The following CPVL variants were observed in gnomAD, a reference collection of about 807,000 sequenced individuals.
CPVL encodes the protein carboxypeptidase vitellogenic like.
A neutral mutation model predicts 63.7 loss-of-function variants in CPVL; 51 were observed. The observed-to-expected ratio is 0.80, with a 90% CI of 0.64 to 1.01. CPVL has a LOEUF of 1.01. Among genes scored for constraint, CPVL ranks in the 50% least tolerant of loss-of-function variants. CPVL has a pLI of 0.00. For synonymous variants in CPVL, 195 were observed against 206.0 expected (o/e 0.95, Z 0.46); for missense variants, 530 against 573.1 (o/e 0.92, Z 0.77).
chr7:29,013,068 T>C (rs999346910), intron 12 of CPVL: 3 of 152,232 alleles, frequency 2.0e-5, no homozygotes, highest in African/African-American at 7.2e-5. Context: ...GAAATGGAAA[T>C]AATGTTCTGG....
At chr7:29,015,565 CCT>C (rs956942158) in intron 12 of CPVL, among the ~76,000 whole-genome samples, 1 of 152,186 alleles carries the variant, frequency 6.6e-6, no homozygotes, top group African/African-American at 2.4e-5. Context: ...AGTGAAACTC[CCT>C]GAGGCCTCTT....
chr7:29,095,010 T>G, intron 5 of CPVL, 74 bp downstream of exon 5: 1 of 1,033,900 alleles, frequency 9.7e-7, no homozygotes, highest in Non-Finnish European at 1.5e-6. Flanking sequence ...TTTTTAAATG[T>G]ACTTAATAAA....
In CPVL at chr7:29,066,122, C is replaced by T. The variant is rs762509488; in HGVS notation, c.865-1G>A. ...CGCCATCTAGTAGTTTATCCAGTAT[C>T]TAGGTTGGGAGAGAGGGAGAAAGAA... On this transcript the variant is annotated splice_acceptor_variant, in intron 9 of 12. Transcript: ENST00000265394. LOFTEE classifies it high-confidence loss of function. 2.0e-6 allele frequency: 3 copies of T among 1,506,724 alleles called. No individual in the cohort carries two copies. The highest frequency in any genetic ancestry group is 9.2e-7 in the Non-Finnish European group (1 of 1,088,052). The allele number at this position is 1,506,724 out of a possible 1,614,324, so 93.3% of individuals were successfully genotyped here.
At chr7:29,108,120 C>T (rs1787903791) in intron 3 of CPVL, among the ~76,000 whole-genome samples, 1 of 152,212 alleles carries the variant, frequency 6.6e-6, no homozygotes, top group African/African-American at 2.4e-5. Flanking sequence ...CGGGCCTCAG[C>T]AGTGTAATCC....
upstream of CPVL, chr7:29,148,477 G>T (rs577891488): frequency 2.6e-5 from 4 of 152,186 alleles, no homozygotes; most frequent in Non-Finnish European, 5.9e-5. Context: ...TGAATAACAC[G>T]TTTTAACTTT....
chr7:29,117,396 C>A (rs1788878763), intron 2 of CPVL, among the ~76,000 whole-genome samples: 1 of 152,220 alleles, frequency 6.6e-6, no homozygotes, highest in Admixed American at 6.5e-5. Context: ...GATACAGAAA[C>A]ACCATGGTCA....
intron 1 of CPVL, among the ~76,000 whole-genome samples, chr7:29,123,615 AAAAAAAAAAAAAAATATATATATAT>A (rs1343209661): frequency 1.1e-5 from 1 of 90,998 alleles, no homozygotes; most frequent in African/African-American, 5.8e-5. Flanking sequence ...AAAAAAAAAA[AAAAAAAAAAAAAAATATATATATAT>A]ATATATATAT....
At chr7:29,083,838 T>C (rs1784963403) in intron 7 of CPVL, among the ~76,000 whole-genome samples, 1 of 152,178 alleles carries the variant, frequency 6.6e-6, no homozygotes, top group African/African-American at 2.4e-5. Context: ...TCACCTCCTC[T>C]GCTTGGCCTT....
At chr7:29,040,985 T>C (rs1452955212) in intron 11 of CPVL, among the ~76,000 whole-genome samples, 1 of 152,114 alleles carries the variant, frequency 6.6e-6, no homozygotes, top group Non-Finnish European at 1.5e-5. Context: ...ATAATTCTTG[T>C]CCTCTTGCTT....
At chr7:29,037,552 C>CA (rs35631871) in intron 11 of CPVL, among the ~76,000 whole-genome samples, 18,406 of 56,028 alleles carry the variant, frequency 0.33, 3,551 homozygotes, top group Non-Finnish European at 0.44. Context: ...GACTCCATCT[C>CA]AAAAAAAAAA....
chr7:29,195,173 G>A, exon 1 of CPVL: 2 of 534,822 alleles, frequency 3.7e-6, no homozygotes, highest in East Asian at 3.5e-5. Context: ...GCACCTCCGC[G>A]CCTGACATCT....
chr7:29,154,685 A>G (rs1242585365), intron 5 of CPVL, among the ~76,000 whole-genome samples: 6 of 152,072 alleles, frequency 3.9e-5, no homozygotes, highest in African/African-American at 7.2e-5. Context: ...AATAAAAAAA[A>G]TTAGCCAGGT....
chr7:29,091,453 A>G (rs1340365511), intron 6 of CPVL, among the ~76,000 whole-genome samples: 1 of 152,200 alleles, frequency 6.6e-6, no homozygotes, highest in Non-Finnish European at 1.5e-5. Context: ...GAGAGCACAC[A>G]GTGCCAAGAG....
intron 12 of CPVL, among the ~76,000 whole-genome samples, chr7:29,028,176 C>G (rs1188717552): frequency 6.6e-6 from 1 of 152,132 alleles, no homozygotes; most frequent in Non-Finnish European, 1.5e-5. Flanking sequence ...ACAAAGCTGA[C>G]AAGAACATAC....
At chr7:29,169,880 G>GTA (rs61360748) in intron 5 of CPVL, among the ~76,000 whole-genome samples, 3,989 of 150,002 alleles carry the variant, frequency 0.027, 153 homozygotes, top group African/African-American at 0.09. Context: ...GTGTGTGTGT[G>GTA]TATATATATA....
intron 12 of CPVL, among the ~76,000 whole-genome samples, chr7:29,002,753 C>T (rs1257281133): frequency 2.7e-5 from 4 of 150,866 alleles, no homozygotes; most frequent in East Asian, 1.9e-4. Flanking sequence ...ATTAAGAACT[C>T]GATCGATGTT....
chr7:29,039,733 C>G (rs566904038), intron 11 of CPVL, among the ~76,000 whole-genome samples: 14 of 152,018 alleles, frequency 9.2e-5, no homozygotes, highest in Non-Finnish European at 2.9e-5. Flanking sequence ...GCTTACAGCT[C>G]TTACTTATTA....
chr7:29,074,652 T>C (rs1277196422), intron 7 of CPVL, among the ~76,000 whole-genome samples: 1 of 151,822 alleles, frequency 6.6e-6, no homozygotes, highest in Non-Finnish European at 1.5e-5. Flanking sequence ...GTTTCCCCCA[T>C]GCTATTCTCA....
At chr7:29,125,137 G>A (rs1789863322) in intron 1 of CPVL, 1 of 152,092 alleles carries the variant, frequency 6.6e-6, no homozygotes, top group Admixed American at 6.6e-5. Context: ...ATTTCATTCT[G>A]CCTGGAGTAC....
Sources: allele counts gnomAD v4.1 joint callset (sites outside exome capture counted in the v4.1 genomes callset), GRCh38; gene constraint gnomAD v4.1.1; transcripts MANE v1.5; gene names NCBI Gene and HGNC (gene_info 2026-07-23, HGNC 2026-07-21).